Variants in FMN1 observed in about 807,000 individuals in gnomAD.
FMN1 encodes the protein formin-1.
In FMN1, 110 loss-of-function variants were observed where a neutral mutation model predicts 132.4. The observed-to-expected ratio is 0.83, with a 90% CI of 0.71 to 0.97. FMN1 has a LOEUF of 0.97. Among genes scored for constraint, FMN1 ranks in the 50% least tolerant of loss-of-function variants. The pLI is 0.00. For missense variants in FMN1, 1,792 were observed against 1,705.3 expected (o/e 1.05, Z -0.90); for synonymous variants, 722 against 651.7 (o/e 1.11, Z -1.64).
At chr15:33,157,555 T>A (rs1273319540) in intron 3 of FMN1, among the ~76,000 whole-genome samples, 1 of 152,218 alleles carries the variant, frequency 6.6e-6, no homozygotes, top group Non-Finnish European at 1.5e-5. Context: ...GTCATGTTGC[T>A]CTTCACCTAC....
intron 17 of FMN1, among the ~76,000 whole-genome samples, chr15:32,818,031 A>G (rs2058104294): frequency 6.6e-6 from 1 of 152,234 alleles, no homozygotes; most frequent in Admixed American, 6.5e-5. Context: ...TGAGAAAGAT[A>G]TAAATAAGAA....
At chr15:32,965,948 C>A (rs867728800) in intron 8 of FMN1, among the ~76,000 whole-genome samples, 1 of 152,120 alleles carries the variant, frequency 6.6e-6, no homozygotes, top group South Asian at 2.1e-4. Flanking sequence ...ATAAGCACCA[C>A]GGATGTTAAG....
rs566904064 is a variant in FMN1 at position 33,154,528 on chromosome 15, C to G, written c.387G>C (p.Glu129Asp). The change falls in exon 4 of 21, where the codon GAG (glutamate) becomes GAC (aspartate). Residue 129 changes from glutamate to aspartate, a missense_variant. By Grantham distance (45) the Glu-to-Asp change is conservative. Around this residue, in one of 3 missense-constraint regions of FMN1, gnomAD observed 638 missense variants for 645.2 expected, o/e 0.99. Coordinates refer to ENST00000616417, the MANE Select transcript of FMN1 (RefSeq NM_001277313.2). ...LQELSVSLAP[E>D]DDCFQSAGDW... ...CACCAGCACTCTGGAAACAGTCATC[C>G]TCGGGGGCCAGGCTCACGGACAGCT... 2.0e-6 allele frequency: 3 copies of G among 1,536,092 alleles called. No individual in the cohort carries two copies. The Middle Eastern group carries it at 5.0e-4, about 256-fold the overall frequency.
chr15:33,169,492 T>C (rs960205531), intron 3 of FMN1, among the ~76,000 whole-genome samples: 1 of 152,162 alleles, frequency 6.6e-6, no homozygotes, highest in African/African-American at 2.4e-5. Flanking sequence ...AAATGGCTAC[T>C]GTTGAGATTC....
intron 17 of FMN1, among the ~76,000 whole-genome samples, chr15:32,827,655 C>T (rs1448408630): frequency 3.3e-5 from 5 of 151,380 alleles, no homozygotes; most frequent in Non-Finnish European, 7.4e-5. Context: ...TCGAGACCAT[C>T]CTGGCTAACA....
chr15:32,905,098 T>C (rs1165227009), intron 12 of FMN1, among the ~76,000 whole-genome samples: 3 of 152,220 alleles, frequency 2.0e-5, no homozygotes, highest in Non-Finnish European at 4.4e-5. Context: ...CTTTCTCCAA[T>C]GTAGGCTAAT....
rs1432453444 is a variant in FMN1 at position 32,773,702 on chromosome 15, G to A, written c.*608C>T. The A allele has an allele frequency of 6.6e-6, 1 of 152,366 alleles. No homozygotes were observed. Among genetic ancestry groups the A allele is most frequent in the Non-Finnish European group, 1.5e-5 (1 of 68,210 alleles). The allele number at this position is 152,366 out of a possible 1,614,324, so 9.4% of individuals were successfully genotyped here. A position where few individuals can be genotyped will look rare whatever the true frequency, so the allele number is the denominator to read the frequency against. On this transcript the variant is annotated 3_prime_UTR_variant, in exon 21 of 21. Coordinates refer to ENST00000616417, the MANE Select transcript of FMN1 (RefSeq NM_001277313.2). ...CCTCTCTCCACCCAGGTATGATTCT[G>A]TTTTTTCTCCTTTTCATCACGTAAA...
intron 6 of FMN1, among the ~76,000 whole-genome samples, chr15:33,035,170 C>G (rs1198325024): frequency 6.6e-6 from 1 of 152,110 alleles, no homozygotes; most frequent in Non-Finnish European, 1.5e-5. Context: ...ATAACAGGAT[C>G]TAGTGGCAGG....
intron 6 of FMN1, among the ~76,000 whole-genome samples, chr15:33,044,501 C>T (rs2036586050): frequency 6.6e-6 from 1 of 152,198 alleles, no homozygotes; most frequent in Non-Finnish European, 1.5e-5. Flanking sequence ...AACAGGACAA[C>T]CATCTGTGGA....
chr15:32,828,564 G>A (rs906734103), intron 17 of FMN1, among the ~76,000 whole-genome samples: 1 of 151,704 alleles, frequency 6.6e-6, no homozygotes, highest in African/African-American at 2.4e-5. Flanking sequence ...TTGGCTGTAA[G>A]AGCTAACAAT....
chr15:32,846,442 C>T (rs950333481), intron 17 of FMN1, among the ~76,000 whole-genome samples: 9 of 151,924 alleles, frequency 5.9e-5, no homozygotes, highest in South Asian at 2.1e-4. Context: ...GACATTTATG[C>T]GGCCAACAAA....
At chr15:33,082,053 G>GTGTGTGTGTGTGTGT (rs540217494) in intron 5 of FMN1, among the ~76,000 whole-genome samples, 1 of 134,470 alleles carries the variant, frequency 7.4e-6, no homozygotes. Flanking sequence ...GTGTGTGTGT[G>GTGTGTGTGTGTGTGT]TAAGACGGAG....
At chr15:32,961,353 C>T (rs1015106360) in intron 9 of FMN1, among the ~76,000 whole-genome samples, 5 of 152,106 alleles carry the variant, frequency 3.3e-5, no homozygotes, top group South Asian at 2.1e-4. Flanking sequence ...AGGCTGGTGT[C>T]GAACTCCTGA....
chr15:33,004,668 C>T (rs958931126), intron 7 of FMN1, among the ~76,000 whole-genome samples: 2 of 152,136 alleles, frequency 1.3e-5, no homozygotes, highest in African/African-American at 4.8e-5. Flanking sequence ...TACCATTTGA[C>T]CCAGCCATCC....
chr15:32,818,595 G>C (rs1322450438), intron 17 of FMN1, among the ~76,000 whole-genome samples: 1 of 152,160 alleles, frequency 6.6e-6, no homozygotes, highest in African/African-American at 2.4e-5. Context: ...TTTTAAAATA[G>C]TGTCTAATAC....
At chr15:32,947,461 A>G (rs1022027121) in intron 9 of FMN1, among the ~76,000 whole-genome samples, 22 of 152,088 alleles carry the variant, frequency 1.4e-4, no homozygotes, top group Non-Finnish European at 4.4e-5. Flanking sequence ...TATGAGGTAG[A>G]ATATCTCCCA....
At chr15:32,982,929 A>G (rs1056712878) in intron 7 of FMN1, among the ~76,000 whole-genome samples, 1 of 152,116 alleles carries the variant, frequency 6.6e-6, no homozygotes, top group African/African-American at 2.4e-5. Flanking sequence ...GGAACTTATC[A>G]GCGTCCATCA....
At chr15:32,964,055 AC>A in intron 9 of FMN1, 51 bp downstream of exon 9, 1 of 1,416,036 alleles carries the variant, frequency 7.1e-7, no homozygotes, top group Non-Finnish European at 9.9e-7. Flanking sequence ...ACACATATAT[AC>A]CATTTCCCTG....
At chr15:33,064,052 T>C (rs986259140) in intron 6 of FMN1, 1 of 152,218 alleles carries the variant, frequency 6.6e-6, no homozygotes, top group Non-Finnish European at 1.5e-5. Context: ...ACTGCCAGTG[T>C]GTTCTCAATC....
Sources: gnomAD v4.1 joint callset for allele counts (sites outside exome capture counted in the v4.1 genomes callset) on GRCh38, gnomAD v4.1.1 for gene constraint, gnomAD v4.1.1 regional missense constraint, MANE v1.5 for transcripts, NCBI Gene and HGNC (gene_info 2026-07-23, HGNC 2026-07-21) for gene names.